Variants in RAPGEF4 observed in about 807,000 individuals in gnomAD.
RAPGEF4 encodes the protein RAP guanine-nucleotide-exchange factor (GEF) 4.
Under a neutral mutation model 147.9 loss-of-function variants are expected in RAPGEF4, and 66 were observed. That is an observed-to-expected ratio of 0.45 (90% CI 0.37 to 0.55). RAPGEF4 has a LOEUF of 0.55. Among genes scored for constraint, RAPGEF4 ranks in the 20% least tolerant of loss-of-function variants. The pLI is 0.00. For missense variants in RAPGEF4, 1,071 were observed against 1,257.3 expected, an observed-to-expected ratio of 0.85 and a Z score of 2.24; for synonymous variants, 419 against 442.7, an observed-to-expected ratio of 0.95 and a Z score of 0.67.
At chr2:172,953,283 C>T (rs1688399075) in intron 6 of RAPGEF4, among the ~76,000 whole-genome samples, 1 of 146,760 alleles carries the variant, frequency 6.8e-6, no homozygotes, top group Non-Finnish European at 1.5e-5. Flanking sequence ...TGTAATAGTT[C>T]TCTCTATATA....
At chr2:172,822,085 A>G (rs1225101774) in intron 4 of RAPGEF4, 6 of 1,375,280 alleles carry the variant, frequency 4.4e-6, no homozygotes, top group Non-Finnish European at 5.1e-6. Context: ...TGGCTTTTCT[A>G]ATTATGTTCC....
intron 3 of RAPGEF4, among the ~76,000 whole-genome samples, chr2:172,813,360 T>C (rs1463087778): frequency 1.3e-5 from 2 of 152,230 alleles, no homozygotes; most frequent in Admixed American, 6.5e-5. Context: ...CCAAACATTA[T>C]CACCAGTGTT....
At chr2:172,920,499 G>A (rs905956165) in intron 5 of RAPGEF4, among the ~76,000 whole-genome samples, 1 of 152,122 alleles carries the variant, frequency 6.6e-6, no homozygotes, top group African/African-American at 2.4e-5. Flanking sequence ...GTCTTTTAAT[G>A]TTAGACAGTC....
At chr2:173,026,423 G>C (rs542605374) in intron 23 of RAPGEF4, 149 bp from the exon 24 acceptor site, 1 of 769,912 alleles carries the variant, frequency 1.3e-6, no homozygotes, top group Non-Finnish European at 2.0e-6. Flanking sequence ...CTAGCGTTGC[G>C]AGCAGAGGCA....
At chr2:172,833,018 A>G (rs1160568243) in intron 4 of RAPGEF4, among the ~76,000 whole-genome samples, 1 of 152,216 alleles carries the variant, frequency 6.6e-6, no homozygotes, top group African/African-American at 2.4e-5. Flanking sequence ...AGCCTGGCCA[A>G]CATGGCGAAA....
intron 6 of RAPGEF4, among the ~76,000 whole-genome samples, chr2:172,941,448 A>G (rs1437088861): frequency 6.6e-6 from 1 of 152,090 alleles, no homozygotes; most frequent in African/African-American, 2.4e-5. Flanking sequence ...TATTATTTTC[A>G]CGATAAAGAT....
At chr2:172,850,999 A>C (rs1247514052) in intron 4 of RAPGEF4, among the ~76,000 whole-genome samples, 1 of 151,644 alleles carries the variant, frequency 6.6e-6, no homozygotes, top group African/African-American at 2.4e-5. Flanking sequence ...GGGTTGGTTC[A>C]CTCTTGCTTT....
intron 6 of RAPGEF4, among the ~76,000 whole-genome samples, chr2:172,926,013 C>CGGAG (rs1216575540): frequency 1.5e-5 from 1 of 65,020 alleles, no homozygotes; most frequent in Non-Finnish European, 2.8e-5. Flanking sequence ...AAAGAAAGGA[C>CGGAG]GGAGGGAGGG....
rs1695844914 is a variant in RAPGEF4, at chr2:172,875,774, G to A, written c.445-42028G>A. 2.0e-5 allele frequency among the ~76,000 whole-genome samples: 3 copies of A among 152,146 alleles called. No homozygotes were observed. The South Asian group carries it at 6.2e-4, about 32-fold the overall frequency. ...ATGAACTTTAGTTTTTTCCAACTCA[G>A]TGAAGAAAGTCATTGATGTAGCTTG... On this transcript the variant is annotated intron_variant, in intron 4 of 30. Coordinates refer to ENST00000397081, the MANE Select transcript of RAPGEF4 (RefSeq NM_007023.4).
At position 173,028,693 on chromosome 2, in the gene RAPGEF4, TAGAGAA is replaced by T. The variant is rs1182823169; in HGVS notation, c.2558+1435_2558+1440del. On this transcript the variant is annotated intron_variant, in intron 25 of 30. Coordinates refer to ENST00000397081, the MANE Select transcript of RAPGEF4 (RefSeq NM_007023.4). The stretch of plus-strand genomic sequence containing the variant: ...GCCCTGTGCTACATTTGCCGTCCTG[TAGAGAA>T]GCTATTTACACAGCCCAGCTGAAGA... Among the ~76,000 whole-genome samples the T allele has an allele frequency of 2.6e-5, 4 of 152,278 alleles. No homozygotes were observed. In the East Asian group the frequency reaches 7.7e-4, roughly 29 times the overall value.
chr2:172,937,192 G>T (rs1376487870), intron 6 of RAPGEF4, among the ~76,000 whole-genome samples: 1 of 151,868 alleles, frequency 6.6e-6, no homozygotes, highest in Non-Finnish European at 1.5e-5. Context: ...CTGTACTCCA[G>T]CCTGGGCAGC....
chr2:173,002,623 T>TTC (rs1169296337), intron 17 of RAPGEF4, among the ~76,000 whole-genome samples: 2 of 148,402 alleles, frequency 1.3e-5, no homozygotes, highest in Admixed American at 6.7e-5. Flanking sequence ...TATTCTTTCT[T>TTC]TTTTTTTTTT....
At chr2:172,961,592 T>G (rs1056394973) in intron 8 of RAPGEF4, among the ~76,000 whole-genome samples, 2 of 152,224 alleles carry the variant, frequency 1.3e-5, no homozygotes, top group Non-Finnish European at 2.9e-5. Context: ...AGGTCCCTTT[T>G]GATATATTAG....
At position 172,996,021 on chromosome 2, in the gene RAPGEF4, C is replaced by T. The variant is rs114176383; in HGVS notation, c.1491-445C>T. Among the ~76,000 whole-genome samples the T allele has an allele frequency of 7.4e-3, 1,126 of 152,232 alleles. 12 individuals carry two copies. Among genetic ancestry groups the T allele is most frequent in the African/African-American group, 0.025 (1,028 of 41,520 alleles). On this transcript the variant is annotated intron_variant, in intron 15 of 30. Transcript: ENST00000397081. ...AAAGACAGAGCATTCCAGAAATAGG[C>T]GGGGGAATCCAGTGTGGGAAGAAGT...
In RAPGEF4 at chr2:172,798,637, G is replaced by A. The variant is rs3820853; in HGVS notation, c.297+1024G>A. Among the ~76,000 whole-genome samples the A allele has an allele frequency of 2.0e-5, 3 of 152,276 alleles. No individual in the cohort carries two copies. The East Asian group carries it at 5.8e-4, about 29-fold the overall frequency. ...AGTGTCATATTTAAGGCAATGTTTTGGAGGCTTTTTCATAGGTAGCACACT... is the reference window on the plus strand; with the variant it reads ...AGTGTCATATTTAAGGCAATGTTTTAGAGGCTTTTTCATAGGTAGCACACT... On this transcript the variant is annotated intron_variant, in intron 3 of 30. Coordinates refer to ENST00000397081, the MANE Select transcript of RAPGEF4 (RefSeq NM_007023.4).
chr2:172,960,876 G>T (rs956539549), intron 7 of RAPGEF4, 63 bp downstream of exon 7: 23 of 1,333,000 alleles, frequency 1.7e-5, no homozygotes, highest in African/African-American at 1.0e-4. Context: ...TCTGGAGGTG[G>T]TCCATATGTC....
intron 1 of RAPGEF4, among the ~76,000 whole-genome samples, chr2:172,783,504 C>A (rs539682134): frequency 6.6e-6 from 1 of 152,240 alleles, no homozygotes; most frequent in East Asian, 1.9e-4. Flanking sequence ...TCACAGGGGT[C>A]TTGGTGTGCC....
At chr2:172,783,908 A>G (rs898994240) in intron 1 of RAPGEF4, among the ~76,000 whole-genome samples, 2 of 152,082 alleles carry the variant, frequency 1.3e-5, no homozygotes, top group Non-Finnish European at 2.9e-5. Flanking sequence ...TGACCAAACA[A>G]TGTTGGTGCT....
chr2:172,986,698 C>CCTT (rs761936646), intron 12 of RAPGEF4, among the ~76,000 whole-genome samples: 2 of 100,334 alleles, frequency 2.0e-5, no homozygotes, highest in Admixed American at 1.1e-4. Context: ...TTCATATTTT[C>CCTT]TTTTTTTTTT....
Sources: allele counts gnomAD v4.1 joint callset (sites outside exome capture counted in the v4.1 genomes callset), GRCh38; gene constraint gnomAD v4.1.1; transcripts MANE v1.5; gene names NCBI Gene and HGNC (gene_info 2026-07-23, HGNC 2026-07-21).